Variants in ARHGAP26 observed in about 807,000 individuals in gnomAD.
ARHGAP26 encodes Rho GTPase activating protein 26.
A neutral mutation model predicts 104.8 loss-of-function variants in ARHGAP26; 38 were observed. The observed-to-expected ratio is 0.36, with a 90% CI of 0.28 to 0.48. The LOEUF is 0.48. Among genes scored for constraint, ARHGAP26 ranks in the 20% least tolerant of loss-of-function variants. ARHGAP26 has a pLI of 0.99. For missense variants in ARHGAP26, 704 were observed against 947.9 expected (o/e 0.74, Z 3.38); for synonymous variants, 341 against 340.0 (o/e 1.00, Z -0.03).
At chr5:143,149,645 A>G (rs1192215943) in intron 20 of ARHGAP26, among the ~76,000 whole-genome samples, 1 of 152,186 alleles carries the variant, frequency 6.6e-6, no homozygotes, top group African/African-American at 2.4e-5. Context: ...TGCCACGGTA[A>G]CAATCACCTG....
intron 20 of ARHGAP26, among the ~76,000 whole-genome samples, chr5:143,148,366 A>G (rs6864475): frequency 0.013 from 1,958 of 152,250 alleles, 43 homozygotes; most frequent in African/African-American, 0.043. Flanking sequence ...GATATTTACA[A>G]ATCTGCAAAA....
intron 1 of ARHGAP26, chr5:142,772,825 C>A (rs1172832616): frequency 1.9e-6 from 1 of 533,378 alleles, no homozygotes; most frequent in Non-Finnish European, 3.8e-6. Context: ...CTTGTGTTTT[C>A]TATTTTGGCA....
intron 6 of ARHGAP26, among the ~76,000 whole-genome samples, chr5:142,900,354 G>A (rs1256057535): frequency 6.6e-6 from 1 of 152,154 alleles, no homozygotes; most frequent in Non-Finnish European, 1.5e-5. Context: ...TCTGTATATG[G>A]TGCCACTGGA....
At chr5:142,939,117 A>G (rs1469848037) in intron 11 of ARHGAP26, among the ~76,000 whole-genome samples, 1 of 152,168 alleles carries the variant, frequency 6.6e-6, no homozygotes, top group African/African-American at 2.4e-5. Context: ...ACGTAAGTCA[A>G]TATCATACCC....
At chr5:143,093,204 G>C (rs945986448) in intron 17 of ARHGAP26, among the ~76,000 whole-genome samples, 5 of 151,850 alleles carry the variant, frequency 3.3e-5, no homozygotes, top group Non-Finnish European at 7.4e-5. Context: ...CTCACAATGA[G>C]GTTTCCTCTA....
intron 20 of ARHGAP26, among the ~76,000 whole-genome samples, chr5:143,174,058 A>G (rs1380693630): frequency 6.6e-6 from 1 of 152,212 alleles, no homozygotes; most frequent in Non-Finnish European, 1.5e-5. Context: ...TAGCCTCTCC[A>G]TGTTGTTTAG....
intron 20 of ARHGAP26, among the ~76,000 whole-genome samples, chr5:143,167,950 T>C (rs1400146499): frequency 6.6e-6 from 1 of 152,164 alleles, no homozygotes; most frequent in Non-Finnish European, 1.5e-5. Flanking sequence ...CCCTTCACGA[T>C]GAGAAATAAC....
intron 5 of ARHGAP26, among the ~76,000 whole-genome samples, chr5:142,886,503 A>G (rs1394284759): frequency 6.6e-6 from 1 of 152,232 alleles, no homozygotes; most frequent in Non-Finnish European, 1.5e-5. Flanking sequence ...CTGTAGCAGC[A>G]ACAAAGGTTT....
intron 4 of ARHGAP26, among the ~76,000 whole-genome samples, chr5:142,879,799 C>T (rs1756686483): frequency 6.6e-6 from 1 of 152,220 alleles, no homozygotes; most frequent in African/African-American, 2.4e-5. Flanking sequence ...CATTTGTTTT[C>T]GTGGAATTGT....
intron 11 of ARHGAP26, among the ~76,000 whole-genome samples, chr5:142,967,853 G>T (rs941784501): frequency 1.3e-5 from 2 of 152,166 alleles, no homozygotes; most frequent in African/African-American, 4.8e-5. Flanking sequence ...TGGCAGCTGG[G>T]AGGTGGGTAA....
chr5:143,032,758 G>A (rs1407414030), intron 12 of ARHGAP26, among the ~76,000 whole-genome samples: 1 of 152,088 alleles, frequency 6.6e-6, no homozygotes. Context: ...TAATAAAACC[G>A]TTGTTAATTA....
At chr5:142,915,762 A>G (rs1762389639) in intron 10 of ARHGAP26, 1 of 152,086 alleles carries the variant, frequency 6.6e-6, no homozygotes, top group East Asian at 1.9e-4. Flanking sequence ...ATACAGCAGG[A>G]TTTTCCTCCT....
chr5:142,823,082 G>A (rs1375545240), intron 1 of ARHGAP26, among the ~76,000 whole-genome samples: 1 of 152,140 alleles, frequency 6.6e-6, no homozygotes, highest in East Asian at 1.9e-4. Context: ...ATAGGGCAAG[G>A]GGCATCACTA....
At chr5:142,862,027 A>T (rs1186744115) in intron 1 of ARHGAP26, among the ~76,000 whole-genome samples, 2 of 152,186 alleles carry the variant, frequency 1.3e-5, no homozygotes, top group African/African-American at 4.8e-5. Flanking sequence ...TTCCGAATTC[A>T]CAACTGTTGA....
At chr5:142,870,688 C>G (rs908502946) in intron 1 of ARHGAP26, among the ~76,000 whole-genome samples, 1 of 152,218 alleles carries the variant, frequency 6.6e-6, no homozygotes, top group African/African-American at 2.4e-5. Context: ...CTCACTGGAT[C>G]CTCCCTGCCT....
At chr5:142,971,189 T>C (rs1480041243) in intron 11 of ARHGAP26, among the ~76,000 whole-genome samples, 1 of 152,206 alleles carries the variant, frequency 6.6e-6, no homozygotes, top group Non-Finnish European at 1.5e-5. Context: ...TAACCGAAGT[T>C]ATAACTGTTT....
chr5:142,964,661 A>C (rs1189019263), intron 11 of ARHGAP26, among the ~76,000 whole-genome samples: 4 of 152,122 alleles, frequency 2.6e-5, no homozygotes, highest in African/African-American at 9.7e-5. Flanking sequence ...CTTTTAGGCT[A>C]TCTCACCAAG....
intron 20 of ARHGAP26, among the ~76,000 whole-genome samples, chr5:143,187,954 C>T (rs766226502): frequency 2.6e-5 from 4 of 152,158 alleles, no homozygotes; most frequent in Non-Finnish European, 5.9e-5. Context: ...TGATTTTGAA[C>T]CCAAAAATGG....
At chr5:143,158,218 C>A (rs1349969082) in intron 20 of ARHGAP26, among the ~76,000 whole-genome samples, 1 of 151,926 alleles carries the variant, frequency 6.6e-6, no homozygotes, top group Non-Finnish European at 1.5e-5. Context: ...TTTGTTTGAT[C>A]CTGATGTAAC....
Sources: gnomAD v4.1 joint callset for allele counts (sites outside exome capture counted in the v4.1 genomes callset) on GRCh38, gnomAD v4.1.1 for gene constraint, MANE v1.5 for transcripts, NCBI Gene and HGNC (gene_info 2026-07-23, HGNC 2026-07-21) for gene names.